Variants in SPG11 observed in about 807,000 individuals in gnomAD.
SPG11 encodes the protein SPG11 vesicle trafficking associated, spatacsin.
Under a neutral mutation model 274.0 loss-of-function variants are expected in SPG11, and 222 were observed. The ratio of observed to expected loss-of-function variants is 0.81; its 90% CI spans 0.73 to 0.91. The LOEUF (loss-of-function observed/expected upper bound fraction) is 0.91. Among genes scored for constraint, SPG11 ranks in the 40% least tolerant of loss-of-function variants. SPG11 has a pLI of 0.00. For synonymous variants in SPG11, 1,144 were observed against 1,039.7 expected (o/e 1.10, Z -1.93); for missense variants, 3,114 against 2,872.7 (o/e 1.08, Z -1.92).
chr15:44,596,018 C>T (rs1280486010), intron 25 of SPG11, 65 bp downstream of exon 25: 1 of 1,597,460 alleles, frequency 6.3e-7, no homozygotes, highest in Non-Finnish European at 8.6e-7. Flanking sequence ...ATCAGCCTTT[C>T]CTGTCCCTCA....
intron 1 of SPG11, among the ~76,000 whole-genome samples, chr15:44,662,571 G>A (rs1233996044): frequency 6.6e-6 from 1 of 150,460 alleles, no homozygotes; most frequent in African/African-American, 2.5e-5. Flanking sequence ...GGGAGGCTGA[G>A]CCCGGGAGGT....
At chr15:44,649,060 G>T (rs1273684794) in intron 6 of SPG11, 49 bp from the exon 7 acceptor site, 4 of 1,480,432 alleles carry the variant, frequency 2.7e-6, no homozygotes, top group Non-Finnish European at 2.8e-6. Context: ...TAGATTTTAG[G>T]ATTATGATTT....
Position 44,585,834 on chromosome 15 carries a change from C to G in SPG11, c.4923G>C (p.Lys1641Asn), listed in dbSNP as rs150218102. The change falls in exon 29 of 40, where the codon AAG becomes AAC. Residue 1641 changes from lysine to asparagine, a missense_variant. Coordinates refer to ENST00000261866, the MANE Select transcript of SPG11 (RefSeq NM_025137.4). Reference sequence around the variant, plus strand: ...TCAAAATCTGGCAAAGGATGCAAAGCTTTTTCACATCTGGACCTGTGCCAA... The same window carrying G: ...TCAAAATCTGGCAAAGGATGCAAAGGTTTTTCACATCTGGACCTGTGCCAA... The part of the protein sequence containing the change: ...HLFSDGPDVK[K>N]LCILCQILKD... 7.4e-4 allele frequency: 1,187 copies of G among 1,613,906 alleles called. 11 individuals carry two copies. The African/African-American group carries it at 0.014, about 20-fold the overall frequency.
rs756299773 is a variant in SPG11 at position 44,572,156 on chromosome 15, G to T, written c.6343+527C>A. Among the ~76,000 whole-genome samples the T allele has an allele frequency of 4.3e-4, 66 of 152,026 alleles. 1 individual carries two copies. The highest frequency in any genetic ancestry group is 2.0e-4 in the Admixed American group (3 of 15,256). On this transcript the variant is annotated intron_variant, in intron 33 of 39. Transcript: ENST00000261866. ...TGTAACCATTAGAAGTTATATAGAAGAATATTCAATGCCATGAAAAATGTT... is the reference window on the plus strand; with the variant it reads ...TGTAACCATTAGAAGTTATATAGAATAATATTCAATGCCATGAAAAATGTT...
intron 6 of SPG11, among the ~76,000 whole-genome samples, chr15:44,650,672 T>C (rs991285051): frequency 6.6e-6 from 1 of 151,160 alleles, no homozygotes; most frequent in African/African-American, 2.4e-5. Flanking sequence ...AAATGGCCCA[T>C]CTAAGAGAAC....
intron 7 of SPG11, among the ~76,000 whole-genome samples, chr15:44,637,167 A>G (rs1187720314): frequency 6.6e-6 from 1 of 152,118 alleles, no homozygotes; most frequent in Non-Finnish European, 1.5e-5. Flanking sequence ...GACACAGGTG[A>G]AGAAAGAATT....
chr15:44,629,462 C>A, intron 8 of SPG11, 74 bp from the exon 9 acceptor site: 2 of 1,446,790 alleles, frequency 1.4e-6, no homozygotes, highest in Non-Finnish European at 9.6e-7. Flanking sequence ...TCAAAAATAT[C>A]ATGTTACAAT....
intron 7 of SPG11, among the ~76,000 whole-genome samples, chr15:44,638,312 T>C (rs895501299): frequency 1.3e-5 from 2 of 151,986 alleles, no homozygotes; most frequent in African/African-American, 2.4e-5. Context: ...TACAAAAAAT[T>C]AGCTAGGCAT....
In SPG11 at chr15:44,634,365, G is replaced by A. The variant is rs1330382960; in HGVS notation, c.1603-728C>T. 2.6e-5 allele frequency among the ~76,000 whole-genome samples: 4 copies of A among 151,620 alleles called. No homozygotes were observed. In the East Asian group the frequency reaches 7.7e-4, roughly 29 times the overall value. On this transcript the variant is annotated intron_variant, in intron 7 of 39. Coordinates refer to ENST00000261866, the MANE Select transcript of SPG11 (RefSeq NM_025137.4). Reference sequence around the variant, plus strand: ...TCTCACCTCACTGCAACCTCTGCCTGCCCAGCTTAAGTGATTCTCGTGCCT... The same window carrying A: ...TCTCACCTCACTGCAACCTCTGCCTACCCAGCTTAAGTGATTCTCGTGCCT...
chr15:44,572,045 C>T (rs546953178), intron 33 of SPG11, among the ~76,000 whole-genome samples: 5 of 152,328 alleles, frequency 3.3e-5, no homozygotes, highest in Non-Finnish European at 7.4e-5. Context: ...CCTCTGCCCT[C>T]GGCCTCTCAA....
rs369310964 is a variant in SPG11 at position 44,569,485 on chromosome 15, A to G, written c.6498T>C (p.Ile2166=). 3 of 1,596,396 alleles carry G rather than the reference A, an allele frequency of 1.9e-6. No individual in the cohort carries two copies. The highest frequency in any genetic ancestry group is 2.2e-5 in the East Asian group (1 of 44,452). The change falls in exon 35 of 40, where the codon ATT becomes ATC. Residue 2166 remains isoleucine, a synonymous_variant. Coordinates refer to ENST00000261866, the MANE Select transcript of SPG11 (RefSeq NM_025137.4). ...TGTATGTCATCTCGTTGTACCTTCCAATGCCAGTGAGGAGCCGTACCTGTG... is the reference window on the plus strand; with the variant it reads ...TGTATGTCATCTCGTTGTACCTTCCGATGCCAGTGAGGAGCCGTACCTGTG... ...YGLVVRLLTG[I]GRYNEMTYIF... is the part of the protein sequence containing the mutation.
At chr15:44,632,724 G>A (rs2084108202) in intron 8 of SPG11, among the ~76,000 whole-genome samples, 2 of 151,926 alleles carry the variant, frequency 1.3e-5, no homozygotes, top group Middle Eastern at 3.4e-3. Context: ...CCCCAGACTG[G>A]TCTCAAACTC....
intron 20 of SPG11, among the ~76,000 whole-genome samples, chr15:44,605,317 T>C (rs1358642993): frequency 6.6e-6 from 1 of 152,222 alleles, no homozygotes; most frequent in Non-Finnish European, 1.5e-5. Context: ...GTAAATTCTA[T>C]ATATCAAAAT....
At chr15:44,568,207 G>A (rs1567127637) in intron 35 of SPG11, among the ~76,000 whole-genome samples, 1 of 152,138 alleles carries the variant, frequency 6.6e-6, no homozygotes, top group Non-Finnish European at 1.5e-5. Context: ...GTGTTGTTCT[G>A]TTTTCCAAGT....
At chr15:44,647,390 T>C (rs2084638851) in intron 7 of SPG11, among the ~76,000 whole-genome samples, 1 of 152,114 alleles carries the variant, frequency 6.6e-6, no homozygotes, top group Non-Finnish European at 1.5e-5. Flanking sequence ...AAATAATAAA[T>C]GACCCAGTAA....
intron 28 of SPG11, among the ~76,000 whole-genome samples, chr15:44,586,372 G>A (rs999021027): frequency 1.2e-4 from 18 of 152,220 alleles, no homozygotes; most frequent in East Asian, 3.9e-4. Context: ...ATGGCTAGGC[G>A]TAGTGGCTCA....
chr15:44,619,434 T>C (rs1190083257), intron 15 of SPG11, among the ~76,000 whole-genome samples: 2 of 152,174 alleles, frequency 1.3e-5, no homozygotes, highest in African/African-American at 4.8e-5. Flanking sequence ...CTTTTCTAAA[T>C]GAATTAAAGT....
chr15:44,614,106 C>T (rs1404661158), intron 16 of SPG11, among the ~76,000 whole-genome samples: 2 of 152,192 alleles, frequency 1.3e-5, no homozygotes, highest in Non-Finnish European at 2.9e-5. Flanking sequence ...AATTATGGCT[C>T]AGAATACATA....
chr15:44,591,928 G>A (rs752649197), intron 27 of SPG11, among the ~76,000 whole-genome samples: 1 of 152,076 alleles, frequency 6.6e-6, no homozygotes, highest in Non-Finnish European at 1.5e-5. Context: ...TGACCAACAT[G>A]GTGAAACCCT....
Sources: allele counts gnomAD v4.1 joint callset (sites outside exome capture counted in the v4.1 genomes callset), GRCh38; gene constraint gnomAD v4.1.1; transcripts MANE v1.5; gene names NCBI Gene and HGNC (gene_info 2026-07-23, HGNC 2026-07-21).